IGF1R: variants seen among roughly 807,000 people sequenced by gnomAD.
IGF1R encodes insulin like growth factor 1 receptor, also known as insulin-like growth factor 1 receptor.
IGF1R carries 44 observed loss-of-function variants against 144.6 expected under a neutral mutation model. The ratio of observed to expected loss-of-function variants is 0.30; its 90% CI spans 0.24 to 0.39. The LOEUF is 0.39. Ranked by LOEUF, IGF1R falls within the 10% of genes least tolerant of loss-of-function variation. The pLI, the probability that IGF1R is intolerant of heterozygous loss-of-function variation, is 1.00. For missense variants in IGF1R, 1,355 were observed against 1,833.7 expected, an observed-to-expected ratio of 0.74 and a Z score of 4.77; for synonymous variants, 795 against 722.8, an observed-to-expected ratio of 1.10 and a Z score of -1.60.
At chr15:98,821,161 C>G (rs1020812640) in intron 2 of IGF1R, among the ~76,000 whole-genome samples, 1 of 152,148 alleles carries the variant, frequency 6.6e-6, no homozygotes, top group African/African-American at 2.4e-5. Flanking sequence ...ACTCAGGCGT[C>G]CAAGAGTGTG....
chr15:98,717,491 C>T (rs747560971), intron 2 of IGF1R, among the ~76,000 whole-genome samples: 3 of 152,172 alleles, frequency 2.0e-5, no homozygotes, highest in South Asian at 2.1e-4. Context: ...TTGTAAATAG[C>T]GGGCCATACT....
At chr15:98,676,617 A>G (rs951994429) in intron 1 of IGF1R, among the ~76,000 whole-genome samples, 6 of 152,174 alleles carry the variant, frequency 3.9e-5, no homozygotes, top group Non-Finnish European at 5.9e-5. Context: ...GTGTGTGTGT[A>G]TGTTGTTTTG....
At chr15:98,670,341 G>A (rs2052856339) in intron 1 of IGF1R, among the ~76,000 whole-genome samples, 1 of 152,076 alleles carries the variant, frequency 6.6e-6, no homozygotes, top group African/African-American at 2.4e-5. Flanking sequence ...TTGATGGGGT[G>A]GTCTTGGCAT....
At chr15:98,946,601 C>T (rs1403044259) in intron 19 of IGF1R, among the ~76,000 whole-genome samples, 1 of 152,084 alleles carries the variant, frequency 6.6e-6, no homozygotes, top group Non-Finnish European at 1.5e-5. Context: ...CCGAGGAGGC[C>T]AAGGGCATGG....
intron 11 of IGF1R, among the ~76,000 whole-genome samples, chr15:98,922,687 T>G (rs2015541267): frequency 6.6e-6 from 1 of 152,172 alleles, no homozygotes; most frequent in Admixed American, 6.5e-5. Context: ...GTCTGCAGGG[T>G]CCACCCTCCA....
At chr15:98,765,308 C>T (rs112635797) in intron 2 of IGF1R, among the ~76,000 whole-genome samples, 871 of 61,792 alleles carry the variant, frequency 0.014, 15 homozygotes, top group South Asian at 0.042. Flanking sequence ...ATGCCAACAC[C>T]TTTTTTTTTT....
intron 18 of IGF1R, among the ~76,000 whole-genome samples, 171 bp from the exon 19 acceptor site, chr15:98,942,752 T>C (rs1428661484): frequency 1.3e-5 from 2 of 152,204 alleles, no homozygotes; most frequent in African/African-American, 2.4e-5. Flanking sequence ...AATCATCCCT[T>C]ACTGTCTCCA....
intron 2 of IGF1R, among the ~76,000 whole-genome samples, chr15:98,748,723 A>G (rs918090881): frequency 8.5e-5 from 13 of 152,344 alleles, no homozygotes; most frequent in African/African-American, 3.1e-4. Context: ...GTATGTGAAC[A>G]CTTTTTGCCA....
chr15:98,899,769 G>A, intron 5 of IGF1R, 148 bp downstream of exon 5: 1 of 785,388 alleles, frequency 1.3e-6, no homozygotes, highest in Non-Finnish European at 2.2e-6. Context: ...GCTCGAGTAG[G>A]TCTTGGGTGG....
At chr15:98,693,239 G>A (rs141284697) in intron 1 of IGF1R, among the ~76,000 whole-genome samples, 1 of 152,334 alleles carries the variant, frequency 6.6e-6, no homozygotes, top group East Asian at 1.9e-4. Flanking sequence ...AATGAGGCAG[G>A]CATAGAGGTG....
chr15:98,855,776 C>T (rs1397052424), intron 2 of IGF1R, among the ~76,000 whole-genome samples: 1 of 152,212 alleles, frequency 6.6e-6, no homozygotes, highest in East Asian at 1.9e-4. Context: ...CCCTTAAAGG[C>T]AGTTGTCTGA....
intron 2 of IGF1R, among the ~76,000 whole-genome samples, chr15:98,805,577 G>A (rs1454125658): frequency 6.6e-6 from 1 of 152,172 alleles, no homozygotes; most frequent in Non-Finnish European, 1.5e-5. Flanking sequence ...CTTCTGAAAT[G>A]CAGGCCACCC....
chr15:98,828,965 G>T (rs1474661051), intron 2 of IGF1R, among the ~76,000 whole-genome samples: 1 of 151,940 alleles, frequency 6.6e-6, no homozygotes, highest in African/African-American at 2.4e-5. Flanking sequence ...CTACTTTCAA[G>T]CCCTCCGAAG....
At position 98,677,397 on chromosome 15, in the gene IGF1R, CAAAT is replaced by C. The variant is rs137893995; in HGVS notation, c.94+27725_94+27728del. Among the ~76,000 whole-genome samples the C allele has an allele frequency of 9.5e-3, 1,446 of 152,264 alleles. 11 individuals carry two copies. Among genetic ancestry groups the C allele is most frequent in the Middle Eastern group, 0.02 (6 of 294 alleles). The stretch of plus-strand genomic sequence containing the variant: ...TTTTTGTGCCGAGAATCATTGATGA[CAAAT>C]AAGGATAATTTGGTCTCCATTTTTC... On this transcript the variant is annotated intron_variant, in intron 1 of 20. Transcript: ENST00000650285.
chr15:98,742,785 C>G (rs910489948), intron 2 of IGF1R, among the ~76,000 whole-genome samples: 1 of 152,176 alleles, frequency 6.6e-6, no homozygotes, highest in Admixed American at 6.5e-5. Flanking sequence ...GTGGCTTACA[C>G]CTGTAATCCT....
chr15:98,918,000 C>CA (rs1473772862), intron 10 of IGF1R, among the ~76,000 whole-genome samples: 1 of 152,106 alleles, frequency 6.6e-6, no homozygotes, highest in Non-Finnish European at 1.5e-5. Flanking sequence ...TTTTATCTTA[C>CA]ATATATTTTG....
intron 1 of IGF1R, among the ~76,000 whole-genome samples, chr15:98,673,420 A>G (rs1426551747): frequency 6.6e-6 from 1 of 151,138 alleles, no homozygotes; most frequent in African/African-American, 2.4e-5. Context: ...TAGGAAAATA[A>G]CAGCCCTCTT....
Position 98,718,848 on chromosome 15 carries a change from A to G in IGF1R, c.640+10741A>G, listed in dbSNP as rs2054181545. 2.0e-5 allele frequency among the ~76,000 whole-genome samples: 3 copies of G among 151,922 alleles called. No individual in the cohort carries two copies. The South Asian group carries it at 6.2e-4, about 32-fold the overall frequency. On this transcript the variant is annotated intron_variant, in intron 2 of 20. Coordinates refer to ENST00000650285, the MANE Select transcript of IGF1R (RefSeq NM_000875.5). ...CAGCCTTACTGTTTGAATTAGGATCACCCCCACCCCCACCTCCCAGAGGTA... is the reference window on the plus strand; with the variant it reads ...CAGCCTTACTGTTTGAATTAGGATCGCCCCCACCCCCACCTCCCAGAGGTA...
chr15:98,651,200 A>G (rs2047146916), intron 1 of IGF1R: 2 of 272,826 alleles, frequency 7.3e-6, no homozygotes, highest in Non-Finnish European at 1.1e-5. Flanking sequence ...TGGCCCCATC[A>G]CCGGGGCAAT....
Sources: gnomAD v4.1 joint callset for allele counts (sites outside exome capture counted in the v4.1 genomes callset) on GRCh38, gnomAD v4.1.1 for gene constraint, MANE v1.5 for transcripts, NCBI Gene and HGNC (gene_info 2026-07-23, HGNC 2026-07-21) for gene names.